The following MTUS1 variants were observed in gnomAD, a reference collection of about 807,000 sequenced individuals.
MTUS1 encodes microtubule-associated tumor suppressor 1.
In MTUS1, 109 loss-of-function variants were observed where a neutral mutation model predicts 120.8. The ratio of observed to expected loss-of-function variants is 0.90; its 90% CI spans 0.77 to 1.06. MTUS1 has a LOEUF of 1.06. Ranked by LOEUF, MTUS1 falls within the 50% of genes least tolerant of loss-of-function variation. The probability of loss-of-function intolerance (pLI) is 0.00; values close to 1 mark genes in which losing one functional copy is unlikely to be tolerated. For synonymous variants in MTUS1, 737 were observed against 550.5 expected (o/e 1.34, Z -4.74); for missense variants, 2,210 against 1,486.3 (o/e 1.49, Z -8.01).
intron 3 of MTUS1, among the ~76,000 whole-genome samples, chr8:17,733,494 G>A (rs1001441379): frequency 6.6e-6 from 1 of 152,124 alleles, no homozygotes; most frequent in Non-Finnish European, 1.5e-5. Context: ...AAGATGACAG[G>A]TGTTTATTTT....
rs780526153 is a variant in MTUS1 at position 17,646,096 on chromosome 8, T to C, written c.3643A>G (p.Lys1215Glu). The change falls in exon 15 of 15, where the codon AAG becomes GAG. Residue 1215 changes from lysine (K) to glutamate (E), a missense_variant. Physicochemically the swap from Lys to Glu is moderately conservative, Grantham distance 56 (BLOSUM62 1). Coordinates refer to ENST00000693296, the MANE Select transcript of MTUS1 (RefSeq NM_001363059.2). The stretch of plus-strand genomic sequence containing the variant: ...AGTCGCTTGTTGACTTTCGACTCCT[T>C]CTCCAGCGACTCTTGCAGAACAGCC... ...EQAVLQESLEKESKVNKRLSM... is the reference protein window; with the variant it reads ...EQAVLQESLEEESKVNKRLSM... 12 of 1,612,910 alleles carry C rather than the reference T, an allele frequency of 7.4e-6. No homozygotes were observed. Among genetic ancestry groups the C allele is most frequent in the East Asian group, 4.5e-5 (2 of 44,860 alleles).
chr8:17,784,060 T>A (rs925921338), intron 1 of MTUS1, among the ~76,000 whole-genome samples: 1 of 151,912 alleles, frequency 6.6e-6, no homozygotes, highest in African/African-American at 2.4e-5. Flanking sequence ...TAATTCAGTA[T>A]CCATTCATGC....
At chr8:17,682,208 T>C (rs1266751004) in intron 7 of MTUS1, among the ~76,000 whole-genome samples, 1 of 152,024 alleles carries the variant, frequency 6.6e-6, no homozygotes, top group Non-Finnish European at 1.5e-5. Context: ...ACAAGCCTAA[T>C]GATTGGTTAA....
intron 8 of MTUS1, among the ~76,000 whole-genome samples, chr8:17,673,506 C>T (rs1276703697): frequency 6.6e-6 from 1 of 152,122 alleles, no homozygotes; most frequent in African/African-American, 2.4e-5. Context: ...GACTGGAGGG[C>T]AGCAGCACAA....
rs376500378 is a variant in MTUS1 at position 17,675,360 on chromosome 8, A to G, written c.2839-108T>C. 5.6e-4 allele frequency: 484 copies of G among 856,818 alleles called. 4 individuals carry two copies. The African/African-American group carries it at 7.4e-3, about 13-fold the overall frequency. 53.1% of individuals were successfully genotyped at this position (856,818 alleles called of 1,614,324 possible). ...TGAGACCCAGTATTGGGAAGCCAAG[A>G]TATGAATCATTTAGGCTAACAATTT... On this transcript the variant is annotated intron_variant, in intron 7 of 14. Transcript: ENST00000693296.
chr8:17,694,344 T>C (rs1391497532), intron 6 of MTUS1, among the ~76,000 whole-genome samples: 1 of 152,150 alleles, frequency 6.6e-6, no homozygotes. Context: ...CAATTGATTG[T>C]GGATAAATCA....
intron 1 of MTUS1, among the ~76,000 whole-genome samples, chr8:17,786,313 C>A (rs1415028220): frequency 1.3e-5 from 2 of 152,110 alleles, no homozygotes; most frequent in Non-Finnish European, 2.9e-5. Context: ...GTCTGGAAGG[C>A]AGTGCCTGGC....
At chr8:17,709,999 T>C (rs762524305) in intron 6 of MTUS1, among the ~76,000 whole-genome samples, 2 of 131,368 alleles carry the variant, frequency 1.5e-5, no homozygotes, top group South Asian at 5.1e-4. Flanking sequence ...AGAGCAAGAC[T>C]CTGTCTCAAA....
intron 8 of MTUS1, 126 bp from the exon 9 acceptor site, chr8:17,656,191 T>A (rs1808186877): frequency 3.8e-6 from 3 of 797,868 alleles, no homozygotes; most frequent in African/African-American, 1.7e-5. Flanking sequence ...GGGTCTCTAG[T>A]GACCATGTCT....
At chr8:17,723,944 A>C in intron 3 of MTUS1, 111 bp from the exon 4 acceptor site, 1 of 804,166 alleles carries the variant, frequency 1.2e-6, no homozygotes, top group Non-Finnish European at 2.0e-6. Context: ...CAAAACACAA[A>C]ATGAATGTTC....
intron 3 of MTUS1, among the ~76,000 whole-genome samples, chr8:17,727,149 A>G (rs374785224): frequency 6.6e-6 from 1 of 152,152 alleles, no homozygotes; most frequent in East Asian, 1.9e-4. Flanking sequence ...AGTCTTCCCA[A>G]TTCCACCATG....
chr8:17,786,179 A>C (rs1041640769), intron 1 of MTUS1, among the ~76,000 whole-genome samples: 1 of 152,072 alleles, frequency 6.6e-6, no homozygotes, highest in African/African-American at 2.4e-5. Context: ...AGAACACGTC[A>C]AGGAAGGTCA....
chr8:17,781,361 C>T (rs181246031), intron 1 of MTUS1, among the ~76,000 whole-genome samples: 229 of 152,268 alleles, frequency 1.5e-3, no homozygotes, highest in African/African-American at 5.4e-3. Context: ...AATAATCCTC[C>T]CCTAAATTTC....
intron 1 of MTUS1, among the ~76,000 whole-genome samples, chr8:17,782,283 C>T (rs1502147): frequency 6.6e-6 from 1 of 152,088 alleles, no homozygotes; most frequent in South Asian, 2.1e-4. Flanking sequence ...AAAAAAAGCA[C>T]AGCATACCAA....
intron 1 of MTUS1, among the ~76,000 whole-genome samples, chr8:17,797,848 G>C (rs1016400825): frequency 1.3e-5 from 2 of 152,174 alleles, no homozygotes; most frequent in Non-Finnish European, 2.9e-5. Flanking sequence ...ACTTCCTTTA[G>C]TGAGGACTTT....
At chr8:17,703,293 G>T (rs112981321) in intron 6 of MTUS1, among the ~76,000 whole-genome samples, 4 of 152,220 alleles carry the variant, frequency 2.6e-5, no homozygotes, top group African/African-American at 9.6e-5. Context: ...TGCATTCCTG[G>T]GGGTAGGTCT....
chr8:17,773,750 G>A (rs1362008140), intron 1 of MTUS1, among the ~76,000 whole-genome samples: 3 of 152,168 alleles, frequency 2.0e-5, no homozygotes, highest in East Asian at 1.9e-4. Context: ...TAAAATTTGG[G>A]AGTCACATTC....
intron 12 of MTUS1, among the ~76,000 whole-genome samples, chr8:17,651,002 G>T (rs1806864065): frequency 6.6e-6 from 1 of 152,136 alleles, no homozygotes; most frequent in African/African-American, 2.4e-5. Context: ...GGGGCCTCGG[G>T]GATTACTTAA....
chr8:17,724,131 G>C (rs1383034552), intron 3 of MTUS1: 4 of 516,702 alleles, frequency 7.7e-6, no homozygotes, highest in African/African-American at 1.9e-5. Context: ...TGATCAATCA[G>C]AATAATCATG....
Sources: allele counts gnomAD v4.1 joint callset (sites outside exome capture counted in the v4.1 genomes callset), GRCh38; gene constraint gnomAD v4.1.1; transcripts MANE v1.5; gene names NCBI Gene and HGNC (gene_info 2026-07-23, HGNC 2026-07-21).